MCF2L: variants seen among roughly 807,000 people sequenced by gnomAD.
The protein encoded by MCF2L is guanine nucleotide exchange factor DBS.
In MCF2L, 97 loss-of-function variants were observed where a neutral mutation model predicts 153.4. The ratio of observed to expected loss-of-function variants is 0.63; its 90% CI spans 0.54 to 0.75. MCF2L has a LOEUF of 0.75. Ranked by LOEUF, MCF2L falls within the 30% of genes least tolerant of loss-of-function variation. MCF2L has a pLI of 0.00. For missense variants in MCF2L, 1,347 were observed against 1,495.2 expected (o/e 0.90, Z 1.64); for synonymous variants, 659 against 632.2 (o/e 1.04, Z -0.64).
intron 1 of MCF2L, among the ~76,000 whole-genome samples, chr13:113,004,086 A>G (rs939138120): frequency 2.6e-5 from 4 of 152,206 alleles, no homozygotes; most frequent in African/African-American, 7.2e-5. Context: ...TTCCAGGCAG[A>G]CCAGGCTGTG....
chr13:112,917,222 C>G, intron 2 of MCF2L: 5 of 469,314 alleles, frequency 1.1e-5, no homozygotes, highest in South Asian at 7.8e-5. Flanking sequence ...GCCCTGCCTC[C>G]GCAGAGCCTC....
At chr13:113,025,400 T>C (rs113516423) in intron 3 of MCF2L, among the ~76,000 whole-genome samples, 4 of 31,808 alleles carry the variant, frequency 1.3e-4, no homozygotes, top group African/African-American at 2.8e-4. Flanking sequence ...GGGCAGAGTC[T>C]CTGTGAGGTT....
chr13:112,896,529 G>A (rs1168868886), intron 1 of MCF2L, among the ~76,000 whole-genome samples: 1 of 152,204 alleles, frequency 6.6e-6, no homozygotes, highest in African/African-American at 2.4e-5. Flanking sequence ...TTGGCAGAGG[G>A]CATGGAGGAG....
At chr13:113,059,394 G>A (rs1055120216) in intron 4 of MCF2L, among the ~76,000 whole-genome samples, 3 of 152,206 alleles carry the variant, frequency 2.0e-5, no homozygotes, top group African/African-American at 4.8e-5. Flanking sequence ...CTGGTGAGTC[G>A]GTCACTCCTC....
intron 4 of MCF2L, among the ~76,000 whole-genome samples, chr13:113,048,377 G>A (rs1045863153): frequency 1.4e-4 from 21 of 151,112 alleles, no homozygotes; most frequent in Middle Eastern, 7.0e-3. Flanking sequence ...GCATTTTCCA[G>A]CAAAATCACC....
At chr13:113,088,766 T>C in intron 25 of MCF2L, 138 bp downstream of exon 25, 1 of 850,464 alleles carries the variant, frequency 1.2e-6, no homozygotes, top group Non-Finnish European at 1.9e-6. Flanking sequence ...GGTGTTTATG[T>C]GCTGACGGGT....
intron 12 of MCF2L, among the ~76,000 whole-genome samples, chr13:113,076,699 A>C (rs1309429835): frequency 6.6e-6 from 1 of 152,252 alleles, no homozygotes; most frequent in African/African-American, 2.4e-5. Context: ...CTCCGCTGGC[A>C]GACTTTGTGG....
intron 1 of MCF2L, among the ~76,000 whole-genome samples, chr13:112,986,757 T>C (rs928921095): frequency 1.3e-5 from 2 of 152,206 alleles, no homozygotes; most frequent in Non-Finnish European, 2.9e-5. Flanking sequence ...CCACGGGGCC[T>C]CAGTCCTGCA....
Position 112,951,940 on chromosome 13 carries a change from C to T in MCF2L, c.169+49569C>T, listed in dbSNP as rs1389049742. On this transcript the variant is annotated intron_variant, in intron 2 of 29. Transcript: ENST00000375608. The surrounding 1 kb of genome is among the most constrained non-coding windows in gnomAD (Gnocchi z 4.8). ...AAACCCACATACACGCACCGCATTA[C>T]AAGGGCTTTACCAATATGTAGAATC... 6.6e-6 allele frequency among the ~76,000 whole-genome samples: 1 copy of T among 152,226 alleles called. No individual in the cohort carries two copies. The highest frequency in any genetic ancestry group is 1.5e-5 in the Non-Finnish European group (1 of 68,040).
At chr13:113,018,360 C>G (rs2141229276) in intron 2 of MCF2L, among the ~76,000 whole-genome samples, 1 of 152,362 alleles carries the variant, frequency 6.6e-6, no homozygotes, top group South Asian at 2.1e-4. Context: ...AGCTACGAGA[C>G]CTGCCACCCT....
In MCF2L at chr13:113,096,592, G is replaced by A. The variant is rs773014055; in HGVS notation, c.3231G>A (p.Pro1077=). The stretch of plus-strand genomic sequence containing the variant: ...CCACTGGCAAGGAGGGCTGGGTGCC[G>A]GCCAGCAGCCTGTCCGTCCGGCTCG... ...DPTTGKEGWV[P]ASSLSVRLGP... Residue 1077 remains proline (P), a synonymous_variant, in exon 29 of 30, where the codon CCG becomes CCA. Transcript: ENST00000535094. 3.1e-6 allele frequency: 5 copies of A among 1,603,374 alleles called. No homozygotes were observed. Among genetic ancestry groups the A allele is most frequent in the Admixed American group, 1.7e-5 (1 of 59,696 alleles).
intron 1 of MCF2L, chr13:113,001,750 G>C (rs1055635894): frequency 1.5e-6 from 2 of 1,361,068 alleles, no homozygotes; most frequent in Non-Finnish European, 9.4e-7. Flanking sequence ...AGGAGCAGCC[G>C]GCTGGCTGCC....
At chr13:113,032,487 C>T (rs946882647) in intron 3 of MCF2L, among the ~76,000 whole-genome samples, 3 of 152,230 alleles carry the variant, frequency 2.0e-5, no homozygotes, top group Non-Finnish European at 2.9e-5. Flanking sequence ...CATGCCGCCT[C>T]GCAGCTTGCT....
chr13:113,002,008 C>T, intron 1 of MCF2L: 2 of 1,539,794 alleles, frequency 1.3e-6, no homozygotes, highest in Non-Finnish European at 1.7e-6. Context: ...GGCGGGTCCT[C>T]GCCTCCCCGG....
chr13:112,956,726 G>A (rs529469178), intron 2 of MCF2L: 1 of 152,398 alleles, frequency 6.6e-6, no homozygotes, highest in South Asian at 2.1e-4. Context: ...GGCGCATCCA[G>A]GTCCAGCCTC....
intron 2 of MCF2L, chr13:112,909,717 G>T (rs1339202647): frequency 6.4e-6 from 1 of 157,020 alleles, no homozygotes; most frequent in Non-Finnish European, 1.4e-5. Flanking sequence ...TCAGCTCCTT[G>T]CGGCCGCCGC....
At chr13:113,089,174 C>T (rs1242604519) in intron 25 of MCF2L, among the ~76,000 whole-genome samples, 1 of 117,402 alleles carries the variant, frequency 8.5e-6, no homozygotes, top group Non-Finnish European at 1.7e-5. Context: ...CCCCCGCCCC[C>T]CCCCCCGCCC....
intron 1 of MCF2L, among the ~76,000 whole-genome samples, chr13:112,977,466 A>C (rs1317507): frequency 0.75 from 113,745 of 152,160 alleles, 42,570 homozygotes; most frequent in African/African-American, 0.76. Flanking sequence ...AGCTTGTATG[A>C]GCTACATATA....
intron 1 of MCF2L, among the ~76,000 whole-genome samples, chr13:112,976,897 G>C (rs1239763281): frequency 6.6e-6 from 1 of 152,166 alleles, no homozygotes; most frequent in Non-Finnish European, 1.5e-5. Context: ...GACAGTGCGG[G>C]GCTTCCCAGT....
Sources: allele counts gnomAD v4.1 joint callset (sites outside exome capture counted in the v4.1 genomes callset), GRCh38; gene constraint gnomAD v4.1.1; non-coding constraint Gnocchi (gnomAD v3.1); transcripts MANE v1.5; gene names NCBI Gene and HGNC (gene_info 2026-07-23, HGNC 2026-07-21).